The following CELF1 variants were observed in gnomAD, a reference collection of about 807,000 sequenced individuals.
CELF1 encodes the protein CUGBP Elav-like family member 1.
A neutral mutation model predicts 61.8 loss-of-function variants in CELF1; 10 were observed. The observed-to-expected ratio is 0.16, with a 90% CI of 0.10 to 0.27. CELF1 has a LOEUF of 0.27. Among genes scored for constraint, CELF1 ranks in the 10% least tolerant of loss-of-function variants. The pLI is 1.00. For synonymous variants in CELF1, 236 were observed against 225.1 expected (o/e 1.05, Z -0.43); for missense variants, 380 against 639.1 (o/e 0.59, Z 4.37).
intron 1 of CELF1, among the ~76,000 whole-genome samples, chr11:47,536,126 T>C (rs888245214): frequency 2.6e-5 from 4 of 152,118 alleles, no homozygotes; most frequent in Non-Finnish European, 5.9e-5. Context: ...CCCAGCACTT[T>C]GGGAGGCTGA....
intron 1 of CELF1, among the ~76,000 whole-genome samples, chr11:47,512,648 T>A (rs537380290): frequency 1.3e-5 from 2 of 152,200 alleles, no homozygotes; most frequent in South Asian, 2.1e-4. Context: ...CCCAAACTTT[T>A]AACTGGAAAA....
intron 1 of CELF1, among the ~76,000 whole-genome samples, chr11:47,551,267 G>GC (rs2097130421): frequency 6.6e-6 from 1 of 152,132 alleles, no homozygotes; most frequent in South Asian, 2.1e-4. Flanking sequence ...TGTGATCTGG[G>GC]CCAAAGGCCA....
chr11:47,559,059 TATATATAATAATATA>T (rs985151140), intron 2 of CELF1, among the ~76,000 whole-genome samples: 19 of 142,670 alleles, frequency 1.3e-4, no homozygotes, highest in African/African-American at 2.8e-4. Flanking sequence ...TATAATATGT[TATATATAATAATATA>T]ATATATAATA....
intron 12 of CELF1, 69 bp from the exon 13 acceptor site, chr11:47,475,590 G>A (rs1259812718): frequency 5.3e-6 from 8 of 1,510,104 alleles, no homozygotes; most frequent in Non-Finnish European, 7.3e-6. Context: ...AAGTCTACTT[G>A]GGACATCTAG....
intron 1 of CELF1, among the ~76,000 whole-genome samples, chr11:47,519,483 A>G (rs1565877113): frequency 3.8e-5 from 1 of 26,632 alleles, no homozygotes; most frequent in Non-Finnish European, 9.5e-5. Flanking sequence ...CCATCTCTAA[A>G]TAAATAAATA....
chr11:47,510,628 A>G (rs1220719347), intron 1 of CELF1, among the ~76,000 whole-genome samples: 1 of 151,984 alleles, frequency 6.6e-6, no homozygotes, highest in Non-Finnish European at 1.5e-5. Context: ...CTTGAACTAC[A>G]GGTGTGCACC....
intron 1 of CELF1, among the ~76,000 whole-genome samples, chr11:47,524,336 T>C (rs761770593): frequency 1.3e-5 from 2 of 152,014 alleles, no homozygotes; most frequent in Non-Finnish European, 2.9e-5. Flanking sequence ...CAACAAGGTA[T>C]GTTTCTAAGG....
intron 1 of CELF1, among the ~76,000 whole-genome samples, chr11:47,530,988 T>G (rs1403913429): frequency 1.3e-5 from 2 of 152,094 alleles, no homozygotes; most frequent in East Asian, 3.9e-4. Context: ...AGCTCATGCC[T>G]GTAATCCCAA....
At chr11:47,494,218 T>C (rs1596781882) in intron 3 of CELF1, 1 of 199,876 alleles carries the variant, frequency 5.0e-6, no homozygotes, top group Non-Finnish European at 8.9e-6. Flanking sequence ...CCTGCAAGAA[T>C]GTGAAGAGGA....
intron 2 of CELF1, among the ~76,000 whole-genome samples, chr11:47,564,053 G>A (rs182748635): frequency 4.7e-4 from 69 of 148,134 alleles, no homozygotes; most frequent in African/African-American, 1.6e-3. Context: ...TGGGCCGGGC[G>A]TGTGGCTCAT....
chr11:47,541,515 A>AC (rs1199490256), intron 1 of CELF1, among the ~76,000 whole-genome samples: 1 of 151,634 alleles, frequency 6.6e-6, no homozygotes, highest in Non-Finnish European at 1.5e-5. Flanking sequence ...ACATGGTGAA[A>AC]CCCCGTCTCT....
chr11:47,559,039 CATAT>C (rs1156575959), intron 2 of CELF1, among the ~76,000 whole-genome samples: 1 of 140,578 alleles, frequency 7.1e-6, no homozygotes, highest in African/African-American at 2.6e-5. Flanking sequence ...TAATATGTTA[CATAT>C]AATAATATAA....
At chr11:47,474,930 G>C (rs1168466055) in intron 13 of CELF1, among the ~76,000 whole-genome samples, 1 of 152,182 alleles carries the variant, frequency 6.6e-6, no homozygotes, top group African/African-American at 2.4e-5. Flanking sequence ...ACATCAATCA[G>C]AAAGTGAGGA....
chr11:47,477,211 C>G lies in CELF1; in HGVS notation c.973+86G>C, dbSNP rs2080650092. On this transcript the variant is annotated intron_variant, in intron 11 of 14. Coordinates refer to ENST00000687097, the MANE Select transcript of CELF1 (RefSeq NM_001376376.1). ...TGACCTCTCTGGAAACAGGTGTTAACTATTTTCCCTCTCTGGACTCTGCCT... is the reference window on the plus strand; with the variant it reads ...TGACCTCTCTGGAAACAGGTGTTAAGTATTTTCCCTCTCTGGACTCTGCCT... The G allele has an allele frequency of 3.4e-6, 5 of 1,463,662 alleles. No individual in the cohort carries two copies. In the Middle Eastern group the frequency reaches 5.3e-4, roughly 156 times the overall value. 90.7% of individuals were successfully genotyped at this position (1,463,662 alleles called of 1,614,324 possible).
chr11:47,504,053 T>C (rs1250896686), intron 1 of CELF1, among the ~76,000 whole-genome samples: 1 of 152,136 alleles, frequency 6.6e-6, no homozygotes, highest in Non-Finnish European at 1.5e-5. Flanking sequence ...ATGCATACTG[T>C]AGTCTCAGCT....
intron 1 of CELF1, chr11:47,506,948 A>G (rs991795557): frequency 6.6e-6 from 1 of 152,228 alleles, no homozygotes; most frequent in Non-Finnish European, 1.5e-5. Flanking sequence ...GACGTCTCTC[A>G]TGACTCCAGA....
At chr11:47,550,301 T>G (rs1211340382) in intron 1 of CELF1, among the ~76,000 whole-genome samples, 1 of 150,712 alleles carries the variant, frequency 6.6e-6, no homozygotes, top group Non-Finnish European at 1.5e-5. Context: ...GAGGCTGAGG[T>G]GGGCAGATCA....
At chr11:47,516,450 T>C (rs1466841214) in intron 1 of CELF1, among the ~76,000 whole-genome samples, 2 of 152,194 alleles carry the variant, frequency 1.3e-5, no homozygotes, top group Non-Finnish European at 2.9e-5. Flanking sequence ...GCAATAATGG[T>C]TGCTACAGCT....
intron 1 of CELF1, among the ~76,000 whole-genome samples, chr11:47,519,356 C>T (rs944112303): frequency 2.6e-5 from 4 of 152,022 alleles, no homozygotes; most frequent in African/African-American, 9.7e-5. Flanking sequence ...AGGCGGGAAC[C>T]TGTAATCCCA....
Sources: gnomAD v4.1 joint callset for allele counts (sites outside exome capture counted in the v4.1 genomes callset) on GRCh38, gnomAD v4.1.1 for gene constraint, MANE v1.5 for transcripts, NCBI Gene and HGNC (gene_info 2026-07-23, HGNC 2026-07-21) for gene names.